PPL: variants seen among roughly 807,000 people sequenced by gnomAD.
PPL encodes periplakin.
PPL carries 198 observed loss-of-function variants against 194.4 expected under a neutral mutation model. That is an observed-to-expected ratio of 1.02 (90% CI 0.91 to 1.15). PPL has a LOEUF of 1.15. PPL is among the 50% of genes most tolerant of loss of function. PPL has a pLI of 0.00. For synonymous variants in PPL, 1,220 were observed against 972.4 expected (o/e 1.25, Z -4.74); for missense variants, 2,885 against 2,294.8 (o/e 1.26, Z -5.25).
intron 6 of PPL, among the ~76,000 whole-genome samples, chr16:4,900,436 T>C (rs1428974573): frequency 2.0e-5 from 2 of 102,156 alleles, no homozygotes; most frequent in African/African-American, 7.2e-5. Context: ...CTGCACGCCT[T>C]TTTTTTTTTT....
At chr16:4,894,191 G>C (rs936688567) in intron 12 of PPL, among the ~76,000 whole-genome samples, 5 of 152,230 alleles carry the variant, frequency 3.3e-5, no homozygotes, top group African/African-American at 7.2e-5. Context: ...CAAGTACAGG[G>C]AGCAGTGCGT....
At position 4,885,896 on chromosome 16, in the gene PPL, A is replaced by G; in HGVS notation, c.2759T>C (p.Ile920Thr). Reference protein sequence around the residue: ...ENEVKSTQEEIWTLRNQGPQE... With the variant: ...ENEVKSTQEETWTLRNQGPQE... Reference sequence around the variant, plus strand: ...AGGCCCCTGATTCCTCAAGGTCCAGATTTCTTCCTGGGTGCTCTTGACCTC... The same window carrying G: ...AGGCCCCTGATTCCTCAAGGTCCAGGTTTCTTCCTGGGTGCTCTTGACCTC... Residue 920 changes from isoleucine (I) to threonine (T), a missense_variant, in exon 22 of 22, where the codon ATC becomes ACC. Ile to Thr is a moderately conservative substitution (Grantham distance 89). Transcript: ENST00000345988. The surrounding 1 kb of genome is among the most constrained non-coding windows in gnomAD (Gnocchi z 6.3). The G allele has an allele frequency of 1.9e-6, 3 of 1,610,464 alleles. No homozygotes were observed. Among genetic ancestry groups the G allele is most frequent in the East Asian group, 2.2e-5 (1 of 44,860 alleles).
chr16:4,919,173 G>C (rs972445683), intron 1 of PPL, among the ~76,000 whole-genome samples: 1 of 152,218 alleles, frequency 6.6e-6, no homozygotes, highest in African/African-American at 2.4e-5. Context: ...CACGTGCTGA[G>C]GGCAGTGGCC....
chr16:4,886,121 A>T, intron 21 of PPL, 74 bp from the exon 22 acceptor site: 1 of 1,587,340 alleles, frequency 6.3e-7, no homozygotes, highest in Non-Finnish European at 8.6e-7. Flanking sequence ...CCACCTGGTC[A>T]GAGTGGCTGT....
chr16:4,930,459 G>A (rs549331611), intron 1 of PPL, among the ~76,000 whole-genome samples: 1 of 152,370 alleles, frequency 6.6e-6, no homozygotes, highest in South Asian at 2.1e-4. Flanking sequence ...CCTGGGGTGT[G>A]AAGCGCAGGG....
intron 1 of PPL, among the ~76,000 whole-genome samples, chr16:4,930,309 G>C (rs2089210901): frequency 6.6e-6 from 1 of 152,150 alleles, no homozygotes; most frequent in South Asian, 2.1e-4. Context: ...TGTGTACTCA[G>C]CCAACTCTCT....
chr16:4,923,762 G>A (rs561507985), intron 1 of PPL, among the ~76,000 whole-genome samples: 1 of 152,322 alleles, frequency 6.6e-6, no homozygotes, highest in East Asian at 1.9e-4. Context: ...ACTGCAGAGG[G>A]TTGAGATAAT....
chr16:4,890,701 A>T, intron 17 of PPL, 27 bp downstream of exon 17: 1 of 1,572,052 alleles, frequency 6.4e-7, no homozygotes, highest in Non-Finnish European at 8.6e-7. Context: ...AGAAAACAAA[A>T]ATGGCCACCA....
intron 7 of PPL, 43 bp from the exon 8 acceptor site, chr16:4,899,163 C>A (rs200513855): frequency 1.8e-4 from 287 of 1,613,526 alleles, no homozygotes; most frequent in Middle Eastern, 8.2e-4. Flanking sequence ...CCCAGCCTGG[C>A]GGTCCCGTGC....
In PPL at chr16:4,902,433, G is replaced by C. The variant is rs368334691; in HGVS notation, c.411C>G (p.Asn137Lys). The C allele has an allele frequency of 6.2e-7, 1 of 1,614,118 alleles. No homozygotes were observed. Among genetic ancestry groups the C allele is most frequent in the Non-Finnish European group, 8.5e-7 (1 of 1,179,986 alleles). Residue 137 changes from asparagine to lysine, a missense_variant, in exon 4 of 22, where the codon AAC becomes AAG. Coordinates refer to ENST00000345988, the MANE Select transcript of PPL (RefSeq NM_002705.5). The surrounding 1 kb of genome is among the most constrained non-coding windows in gnomAD (Gnocchi z 4.0). ...GCTTCTCCTCCACCAGTGCCGCCCAGTTGACCTGTGGATCCACTTCCTTCA... is the reference window on the plus strand; with the variant it reads ...GCTTCTCCTCCACCAGTGCCGCCCACTTGACCTGTGGATCCACTTCCTTCA... ...LAVKEVDPQV[N>K]WAALVEEKLD...
chr16:4,932,303 C>G (rs2089234978), intron 1 of PPL, among the ~76,000 whole-genome samples: 1 of 152,254 alleles, frequency 6.6e-6, no homozygotes, highest in African/African-American at 2.4e-5. Context: ...CACATGGGTC[C>G]CCTCCCATAT....
intron 2 of PPL, among the ~76,000 whole-genome samples, chr16:4,906,339 C>A (rs2088682199): frequency 6.6e-6 from 1 of 152,180 alleles, no homozygotes; most frequent in South Asian, 2.1e-4. Context: ...ATTATCCTGC[C>A]TCAGCCTCCC....
Position 4,892,650 on chromosome 16 carries a change from T to A in PPL, c.1651-437A>T, listed in dbSNP as rs1026380066. The A allele has an allele frequency of 1.8e-5, 3 of 168,924 alleles. No homozygotes were observed. The Admixed American group carries it at 1.8e-4, about 10-fold the overall frequency. 10.5% of individuals were successfully genotyped at this position (168,924 alleles called of 1,614,324 possible). ...TCTCGCCCTGACTTGGCTCTCACTCTGAGGCCCCATCAGGGGCTATGGCAC... is the reference window on the plus strand; with the variant it reads ...TCTCGCCCTGACTTGGCTCTCACTCAGAGGCCCCATCAGGGGCTATGGCAC... On this transcript the variant is annotated intron_variant, in intron 14 of 21. Transcript: ENST00000345988.
intron 1 of PPL, among the ~76,000 whole-genome samples, chr16:4,913,035 T>G (rs567950614): frequency 6.7e-6 from 1 of 150,006 alleles, no homozygotes; most frequent in Non-Finnish European, 1.5e-5. Flanking sequence ...ACCTGGGAGG[T>G]GGAGGTGGCA....
chr16:4,926,046 A>G (rs10163254), intron 1 of PPL, among the ~76,000 whole-genome samples: 16,430 of 152,166 alleles, frequency 0.11, 1,649 homozygotes, highest in African/African-American at 0.27. Flanking sequence ...CTCCAAACAG[A>G]CCTTTCAGGC....
chr16:4,916,033 T>C (rs1427027277), intron 1 of PPL, among the ~76,000 whole-genome samples: 1 of 152,104 alleles, frequency 6.6e-6, no homozygotes, highest in Non-Finnish European at 1.5e-5. Flanking sequence ...ACAATGGCTA[T>C]AATAAAAAAG....
chr16:4,902,985 G>A lies in PPL; in HGVS notation c.318-459C>T, dbSNP rs1230679023. 1.3e-5 allele frequency among the ~76,000 whole-genome samples: 2 copies of A among 152,134 alleles called. No homozygotes were observed. The highest frequency in any genetic ancestry group is 4.8e-5 in the African/African-American group (2 of 41,444). On this transcript the variant is annotated intron_variant, in intron 3 of 21. Transcript: ENST00000345988. This position sits in a 1 kb window ranked among gnomAD's most constrained non-coding sequence, Gnocchi z 4.0. ...ATCACAGGCGTGAGCCACCGTGCCT[G>A]GCCCCACCCACTTTCCCTCAACCTT...
chr16:4,928,277 G>C (rs1184487321), intron 1 of PPL, among the ~76,000 whole-genome samples: 2 of 152,246 alleles, frequency 1.3e-5, no homozygotes, highest in Non-Finnish European at 2.9e-5. Context: ...GTAGGGACAG[G>C]GTTTCACCAT....
At position 4,884,967 on chromosome 16, in the gene PPL, C is replaced by CTT; in HGVS notation, c.3686_3687dup (p.Glu1230LysfsTer3). The CTT allele has an allele frequency of 6.2e-7, 1 of 1,614,158 alleles. No homozygotes were observed. The highest frequency in any genetic ancestry group is 8.5e-7 in the Non-Finnish European group (1 of 1,180,032). On this transcript the variant is annotated frameshift_variant, in exon 22 of 22. Transcript: ENST00000345988. LOFTEE classifies it high-confidence loss of function. This position sits in a 1 kb window ranked among gnomAD's most constrained non-coding sequence, Gnocchi z 5.7. The stretch of plus-strand genomic sequence containing the variant: ...TACTTAATGACTTCCTTAGTCACCT[C>CTT]TTTGACTTCCACCTGGGGGCCTCGC...
Sources: gnomAD v4.1 joint callset for allele counts (sites outside exome capture counted in the v4.1 genomes callset) on GRCh38, gnomAD v4.1.1 for gene constraint, Gnocchi (gnomAD v3.1) non-coding constraint, MANE v1.5 for transcripts, NCBI Gene and HGNC (gene_info 2026-07-23, HGNC 2026-07-21) for gene names.